The following AKAP19 variants were observed in gnomAD, a reference collection of about 807,000 sequenced individuals.
AKAP19 encodes A-kinase anchoring protein 19.
the AKAP19 span, among the ~76,000 whole-genome samples, chr2:189,938,509 T>C: frequency 6.6e-6 from 1 of 152,134 alleles, no homozygotes; most frequent in Non-Finnish European, 1.5e-5. Context: ...CTCACTTACT[T>C]GTGGGATCTA....
the AKAP19 span, chr2:190,180,334 C>G: frequency 4.5e-6 from 2 of 443,610 alleles, no homozygotes; most frequent in Non-Finnish European, 6.0e-6. This position sits in a 1 kb window ranked among gnomAD's most constrained non-coding sequence, Gnocchi z 6.8. Flanking sequence ...GTGCCCCGGC[C>G]CAGCACCTGT....
At chr2:190,022,910 A>C in the AKAP19 span, among the ~76,000 whole-genome samples, 13 of 152,054 alleles carry the variant, frequency 8.5e-5, no homozygotes, top group Admixed American at 6.6e-5. Flanking sequence ...GAGATGTTAG[A>C]GTGGTTGGTT....
the AKAP19 span, chr2:190,199,733 T>C: frequency 1.5e-5 from 23 of 1,494,580 alleles, no homozygotes; most frequent in East Asian, 1.6e-4. Flanking sequence ...AAAGGGAACA[T>C]TGATTACTGA....
chr2:190,029,161 TC>T, the AKAP19 span, among the ~76,000 whole-genome samples: 5 of 152,140 alleles, frequency 3.3e-5, no homozygotes, highest in East Asian at 7.7e-4. Flanking sequence ...CAAGCGATTC[TC>T]CTGCCTCAGC....
the AKAP19 span, among the ~76,000 whole-genome samples, chr2:190,066,735 A>C: frequency 1.3e-5 from 2 of 152,150 alleles, no homozygotes; most frequent in Admixed American, 6.6e-5. Flanking sequence ...GGAGACCCAA[A>C]ATATAGTTCT....
chr2:189,996,089 G>C, the AKAP19 span, among the ~76,000 whole-genome samples: 2 of 152,056 alleles, frequency 1.3e-5, no homozygotes, highest in Non-Finnish European at 2.9e-5. Context: ...ATGATCTTTT[G>C]CACTGAATTT....
At chr2:189,969,818 C>CCTCTT in the AKAP19 span, among the ~76,000 whole-genome samples, 2 of 147,920 alleles carry the variant, frequency 1.4e-5, no homozygotes, top group African/African-American at 4.9e-5. Context: ...GTCCTTCCTT[C>CCTCTT]CTCTTCTCTT....
At chr2:190,031,427 T>A in the AKAP19 span, among the ~76,000 whole-genome samples, 1 of 152,230 alleles carries the variant, frequency 6.6e-6, no homozygotes, top group African/African-American at 2.4e-5. Flanking sequence ...AGTTGCCTTC[T>A]TTTATTTTGT....
the AKAP19 span, among the ~76,000 whole-genome samples, chr2:189,922,960 G>C: frequency 6.6e-6 from 1 of 152,168 alleles, no homozygotes; most frequent in African/African-American, 2.4e-5. Context: ...GACCAGCCTG[G>C]ACAACACGTT....
chr2:190,123,775 T>C, the AKAP19 span, among the ~76,000 whole-genome samples: 1 of 152,186 alleles, frequency 6.6e-6, no homozygotes, highest in Non-Finnish European at 1.5e-5. Flanking sequence ...TATTTTTGGT[T>C]GTGTCTAAGA....
At chr2:189,893,240 T>C in the AKAP19 span, among the ~76,000 whole-genome samples, 2 of 152,204 alleles carry the variant, frequency 1.3e-5, no homozygotes, top group East Asian at 1.9e-4. Context: ...TTCTGTCTCA[T>C]TGGTGTTCCA....
the AKAP19 span, chr2:190,200,206 A>G: frequency 1.4e-6 from 2 of 1,423,860 alleles, no homozygotes; most frequent in Non-Finnish European, 2.0e-6. Context: ...AATGTGACAA[A>G]AGCAAAAACT....
chr2:190,016,362 G>C, the AKAP19 span, among the ~76,000 whole-genome samples: 1 of 152,174 alleles, frequency 6.6e-6, no homozygotes, highest in Non-Finnish European at 1.5e-5. Flanking sequence ...GAGAGCCAAG[G>C]TGTGAAGGAG....
the AKAP19 span, among the ~76,000 whole-genome samples, chr2:190,113,438 C>T: frequency 1.3e-5 from 2 of 152,150 alleles, no homozygotes; most frequent in African/African-American, 2.4e-5. Context: ...CCATTAATAG[C>T]GTTATAATTA....
At chr2:190,084,864 G>A in the AKAP19 span, among the ~76,000 whole-genome samples, 2 of 152,236 alleles carry the variant, frequency 1.3e-5, no homozygotes, top group Non-Finnish European at 2.9e-5. Flanking sequence ...TTTATCTGGG[G>A]ACAGATGGAG....
the AKAP19 span, among the ~76,000 whole-genome samples, chr2:190,051,057 T>C: frequency 2.4e-4 from 36 of 152,160 alleles, no homozygotes; most frequent in Non-Finnish European, 7.4e-5. Flanking sequence ...TTGTAAGAAA[T>C]CAAAAGTTAC....
At chr2:190,144,334 T>C in the AKAP19 span, among the ~76,000 whole-genome samples, 3 of 151,846 alleles carry the variant, frequency 2.0e-5, no homozygotes, top group African/African-American at 7.2e-5. Context: ...CTGTAAACAA[T>C]TGGCAATTTC....
the AKAP19 span, among the ~76,000 whole-genome samples, chr2:190,005,173 C>T: frequency 4.6e-5 from 7 of 152,158 alleles, no homozygotes; most frequent in Non-Finnish European, 8.8e-5. Context: ...TCAGCAGCAG[C>T]AAGATTTATT....
the AKAP19 span, among the ~76,000 whole-genome samples, chr2:190,033,688 A>T: frequency 6.6e-6 from 1 of 152,178 alleles, no homozygotes; most frequent in Non-Finnish European, 1.5e-5. Context: ...TTGTATAATT[A>T]TACTGGACAT....
Sources: allele counts gnomAD v4.1 joint callset (sites outside exome capture counted in the v4.1 genomes callset), GRCh38; gene constraint gnomAD v4.1.1; non-coding constraint Gnocchi (gnomAD v3.1); transcripts MANE v1.5; gene names NCBI Gene and HGNC (gene_info 2026-07-23, HGNC 2026-07-21).